Variants in CCSER1 observed in about 807,000 individuals in gnomAD.
The protein encoded by CCSER1 is serine-rich coiled-coil domain-containing protein 1.
CCSER1 carries 41 observed loss-of-function variants against 82.0 expected under a neutral mutation model. The observed-to-expected ratio is 0.50, with a 90% CI of 0.39 to 0.65. The LOEUF (loss-of-function observed/expected upper bound fraction) is 0.65. CCSER1 is among the 30% of genes least tolerant of loss of function. The pLI is 0.00. For missense variants in CCSER1, 1,119 were observed against 1,064.2 expected (o/e 1.05, Z -0.72); for synonymous variants, 414 against 383.9 (o/e 1.08, Z -0.92).
At chr4:91,109,481 T>A (rs1725910840) in intron 10 of CCSER1, among the ~76,000 whole-genome samples, 1 of 151,314 alleles carries the variant, frequency 6.6e-6, no homozygotes, top group African/African-American at 2.4e-5. Flanking sequence ...GGGTAGGTAG[T>A]CCTAAGTTAA....
Position 90,781,145 on chromosome 4 carries a change from C to G in CCSER1, c.2011-34617C>G, listed in dbSNP as rs147571035. Reference sequence around the variant, plus strand: ...CCATGAGGGATCCACCCTCATGATTCAAACACCTCCCACCAAGCCCCACCT... The same window carrying G: ...CCATGAGGGATCCACCCTCATGATTGAAACACCTCCCACCAAGCCCCACCT... On this transcript the variant is annotated intron_variant, in intron 7 of 10. Coordinates refer to ENST00000509176, the MANE Select transcript of CCSER1 (RefSeq NM_001145065.2). 5.3e-5 allele frequency: 21 copies of G among 396,918 alleles called. No homozygotes were observed. In the East Asian group the frequency reaches 1.9e-3, roughly 37 times the overall value. The allele number at this position is 396,918 out of a possible 1,614,324, so 24.6% of individuals were successfully genotyped here.
chr4:90,813,130 A>G (rs1758564658), intron 7 of CCSER1, among the ~76,000 whole-genome samples: 1 of 152,212 alleles, frequency 6.6e-6, no homozygotes, highest in Admixed American at 6.5e-5. Flanking sequence ...AATCTCTTTC[A>G]TCTATGAGCC....
At chr4:91,329,465 A>G (rs1746792730) in intron 10 of CCSER1, among the ~76,000 whole-genome samples, 1 of 152,164 alleles carries the variant, frequency 6.6e-6, no homozygotes, top group African/African-American at 2.4e-5. Context: ...AGTTTCCCAT[A>G]TTATTTAGTT....
chr4:90,391,197 T>C (rs1331674510), intron 3 of CCSER1, among the ~76,000 whole-genome samples: 8 of 133,544 alleles, frequency 6.0e-5, no homozygotes, highest in South Asian at 2.4e-4. Context: ...CTCTTGAACC[T>C]GGGAGGCGGA....
chr4:91,454,119 T>C (rs969118005), intron 10 of CCSER1, among the ~76,000 whole-genome samples: 8 of 152,258 alleles, frequency 5.3e-5, no homozygotes, highest in Middle Eastern at 3.4e-3. Context: ...AGTGTTTGCA[T>C]TGGTTTTCTA....
intron 9 of CCSER1, among the ~76,000 whole-genome samples, chr4:91,079,681 A>G (rs80224435): frequency 6.6e-6 from 1 of 152,210 alleles, no homozygotes; most frequent in Admixed American, 6.5e-5. Flanking sequence ...CCCATCTCAC[A>G]TGCAGAGACA....
intron 7 of CCSER1, among the ~76,000 whole-genome samples, chr4:90,798,171 C>G (rs957223294): frequency 6.6e-6 from 1 of 151,360 alleles, no homozygotes; most frequent in Non-Finnish European, 1.5e-5. Context: ...TTTGTTTGCT[C>G]ATTTTCATTC....
At chr4:90,893,776 C>CGTGT (rs35451218) in intron 8 of CCSER1, among the ~76,000 whole-genome samples, 56 of 108,050 alleles carry the variant, frequency 5.2e-4, no homozygotes, top group Non-Finnish European at 9.9e-4. Context: ...TGTGTGTGTG[C>CGTGT]GTGTGTGTGT....
intron 5 of CCSER1, among the ~76,000 whole-genome samples, chr4:90,544,474 C>T (rs569437771): frequency 4.6e-5 from 7 of 152,096 alleles, no homozygotes; most frequent in Admixed American, 1.3e-4. Context: ...AGTGGAGTTA[C>T]GGACAACACT....
chr4:90,260,405 G>A (rs887473179), intron 1 of CCSER1, among the ~76,000 whole-genome samples: 1 of 152,144 alleles, frequency 6.6e-6, no homozygotes, highest in Non-Finnish European at 1.5e-5. Flanking sequence ...CTTTGGTCCA[G>A]CAGTAATTGT....
intron 10 of CCSER1, among the ~76,000 whole-genome samples, chr4:91,222,862 G>T (rs1450512561): frequency 2.0e-5 from 3 of 152,100 alleles, no homozygotes; most frequent in East Asian, 1.9e-4. Flanking sequence ...AAAATAAATA[G>T]CCACATGTGG....
At chr4:90,179,985 A>G (rs1197387805) in intron 1 of CCSER1, among the ~76,000 whole-genome samples, 1 of 152,098 alleles carries the variant, frequency 6.6e-6, no homozygotes, top group Non-Finnish European at 1.5e-5. Flanking sequence ...CTCCTAATGT[A>G]TGATAGGACA....
intron 10 of CCSER1, among the ~76,000 whole-genome samples, chr4:91,439,676 A>T (rs1754966224): frequency 1.3e-5 from 2 of 152,138 alleles, no homozygotes; most frequent in Non-Finnish European, 2.9e-5. Context: ...GGCAAATTGG[A>T]TAAAGAGTCA....
At chr4:91,421,808 TA>T (rs370533253) in intron 10 of CCSER1, among the ~76,000 whole-genome samples, 1,599 of 144,074 alleles carry the variant, frequency 0.011, 25 homozygotes, top group African/African-American at 0.033. Flanking sequence ...TAAAAAAAGT[TA>T]AAAAAAAAAA....
chr4:91,541,503 T>A (rs925798007), intron 10 of CCSER1, among the ~76,000 whole-genome samples: 4 of 152,154 alleles, frequency 2.6e-5, no homozygotes, highest in Non-Finnish European at 5.9e-5. Flanking sequence ...TTGCAATAGT[T>A]TGCTCAGAAT....
intron 4 of CCSER1, among the ~76,000 whole-genome samples, chr4:90,467,700 C>CA (rs201951035): frequency 0.12 from 17,315 of 141,798 alleles, 1,390 homozygotes; most frequent in East Asian, 0.38. Flanking sequence ...AAAACAAAAC[C>CA]AAAAAAAAAA....
At chr4:90,423,372 C>T (rs1007926178) in intron 4 of CCSER1, among the ~76,000 whole-genome samples, 3 of 151,310 alleles carry the variant, frequency 2.0e-5, no homozygotes, top group East Asian at 2.0e-4. Context: ...ACTACAGGCG[C>T]GTGCCACCAT....
chr4:90,420,891 A>G (rs1383132707), intron 4 of CCSER1, among the ~76,000 whole-genome samples: 1 of 152,130 alleles, frequency 6.6e-6, no homozygotes, highest in Non-Finnish European at 1.5e-5. Context: ...TGCAATTAGA[A>G]AAGAAAATAT....
intron 10 of CCSER1, among the ~76,000 whole-genome samples, chr4:91,403,503 C>T (rs575764823): frequency 5.2e-4 from 79 of 152,260 alleles, no homozygotes; most frequent in African/African-American, 1.9e-3. Context: ...CCAGCTTTTG[C>T]CCACTCAGTA....
Sources: allele counts gnomAD v4.1 joint callset (sites outside exome capture counted in the v4.1 genomes callset), GRCh38; gene constraint gnomAD v4.1.1; transcripts MANE v1.5; gene names NCBI Gene and HGNC (gene_info 2026-07-23, HGNC 2026-07-21).